Variants in TAF2 observed in about 807,000 individuals in gnomAD.
TAF2 encodes the protein transcription initiation factor TFIID subunit 2.
TAF2 carries 61 observed loss-of-function variants against 138.5 expected under a neutral mutation model. The ratio of observed to expected loss-of-function variants is 0.44; its 90% CI spans 0.36 to 0.54. The LOEUF is 0.54. Ranked by LOEUF, TAF2 falls within the 20% of genes least tolerant of loss-of-function variation. The pLI is 0.00. For missense variants in TAF2, 1,090 were observed against 1,427.9 expected (o/e 0.76, Z 3.81); for synonymous variants, 475 against 469.9 (o/e 1.01, Z -0.14).
chr8:119,826,693 C>T (rs967417465), intron 2 of TAF2, among the ~76,000 whole-genome samples: 7 of 151,848 alleles, frequency 4.6e-5, no homozygotes, highest in Non-Finnish European at 7.4e-5. Context: ...TGGGTTCAAG[C>T]GACTCTCCTG....
intron 14 of TAF2, among the ~76,000 whole-genome samples, chr8:119,786,419 A>T (rs761517579): frequency 6.6e-6 from 1 of 152,078 alleles, no homozygotes; most frequent in African/African-American, 2.4e-5. Flanking sequence ...TTTGTCTTGA[A>T]TTTTTTTCTA....
At chr8:119,832,081 C>T (rs1826486066) in intron 1 of TAF2, among the ~76,000 whole-genome samples, 1 of 152,114 alleles carries the variant, frequency 6.6e-6, no homozygotes, top group African/African-American at 2.4e-5. Flanking sequence ...AAAGCTTGAA[C>T]CCGGCAGGTG....
intron 20 of TAF2, 168 bp downstream of exon 20, chr8:119,760,431 T>C: frequency 1.3e-6 from 1 of 767,092 alleles, no homozygotes; most frequent in Non-Finnish European, 2.0e-6. Context: ...ATTTATTAAC[T>C]CTTATGTGAA....
Position 119,788,283 on chromosome 8 carries a change from A to G in TAF2, c.1793+55T>C. 4 of 1,481,148 alleles carry G rather than the reference A, an allele frequency of 2.7e-6. No homozygotes were observed. In the South Asian group the frequency reaches 4.5e-5, roughly 17 times the overall value. 91.8% of individuals were successfully genotyped at this position (1,481,148 alleles called of 1,614,324 possible). ...AAGAGAATTTTTATTTTGGCATTTT[A>G]GTCTGTGAGATTTGTAGTTTAACTT... On this transcript the variant is annotated intron_variant, in intron 14 of 25. Transcript: ENST00000378164.
intron 19 of TAF2, 84 bp downstream of exon 19, chr8:119,762,331 T>C (rs1181409113): frequency 6.1e-5 from 83 of 1,356,570 alleles, no homozygotes; most frequent in Non-Finnish European, 8.2e-5. Flanking sequence ...TACTTTACTA[T>C]ATTTCCCAAT....
At chr8:119,733,780 G>A (rs1301474743) in intron 25 of TAF2, among the ~76,000 whole-genome samples, 3 of 149,054 alleles carry the variant, frequency 2.0e-5, no homozygotes, top group African/African-American at 7.4e-5. Context: ...TCTTAAATCC[G>A]CCCCCCCCCA....
chr8:119,752,293 C>A (rs1820405644), intron 22 of TAF2, among the ~76,000 whole-genome samples: 1 of 152,012 alleles, frequency 6.6e-6, no homozygotes, highest in Admixed American at 6.6e-5. Context: ...TGAATATACA[C>A]ATATATAGGT....
chr8:119,771,774 T>C (rs1206915506), intron 18 of TAF2, among the ~76,000 whole-genome samples: 2 of 152,100 alleles, frequency 1.3e-5, no homozygotes. Context: ...AAACACTAGA[T>C]AGGTCATTGA....
intron 25 of TAF2, among the ~76,000 whole-genome samples, chr8:119,738,218 T>C (rs1819364718): frequency 6.6e-6 from 1 of 152,146 alleles, no homozygotes; most frequent in Admixed American, 6.6e-5. Context: ...TCCTAAATAA[T>C]GTTTACCAGC....
intron 25 of TAF2, among the ~76,000 whole-genome samples, chr8:119,737,191 G>A (rs1819278680): frequency 6.6e-6 from 1 of 152,188 alleles, no homozygotes; most frequent in Non-Finnish European, 1.5e-5. Context: ...ACGGCATTTA[G>A]AGTCAACTGA....
At chr8:119,774,816 G>T (rs1162120419) in intron 18 of TAF2, among the ~76,000 whole-genome samples, 1 of 152,004 alleles carries the variant, frequency 6.6e-6, no homozygotes, top group Non-Finnish European at 1.5e-5. Flanking sequence ...TGAACCTGGT[G>T]TTATTAGAAA....
Position 119,734,157 on chromosome 8 carries a change from C to T in TAF2, c.3338-1971G>A, listed in dbSNP as rs544459968. 1.9e-3 allele frequency among the ~76,000 whole-genome samples: 294 copies of T among 152,218 alleles called. 1 individual carries two copies. Among genetic ancestry groups the T allele is most frequent in the African/African-American group, 6.1e-3 (253 of 41,532 alleles). On this transcript the variant is annotated intron_variant, in intron 25 of 25. Transcript: ENST00000378164. Reference sequence around the variant, plus strand: ...TCCAGGCTGGGAAACCCTGCTGCATCGTGGTCTTCCTAAACAAAGCTGCTT... The same window carrying T: ...TCCAGGCTGGGAAACCCTGCTGCATTGTGGTCTTCCTAAACAAAGCTGCTT...
intron 14 of TAF2, 76 bp downstream of exon 14, chr8:119,788,262 G>A (rs2131158835): frequency 7.5e-7 from 1 of 1,336,598 alleles, no homozygotes; most frequent in Non-Finnish European, 1.1e-6. Flanking sequence ...GTATACAAGA[G>A]AATTTTTATT....
At chr8:119,827,790 C>T (rs1826197045) in intron 2 of TAF2, among the ~76,000 whole-genome samples, 1 of 149,598 alleles carries the variant, frequency 6.7e-6, no homozygotes, top group South Asian at 2.1e-4. Flanking sequence ...GTTGCCCAGG[C>T]TGGAGTGCAG....
At chr8:119,779,846 G>A (rs1822517183) in intron 17 of TAF2, among the ~76,000 whole-genome samples, 1 of 151,876 alleles carries the variant, frequency 6.6e-6, no homozygotes, top group South Asian at 2.1e-4. Flanking sequence ...CTTCCTTAAT[G>A]TGCCCCACCC....
intron 3 of TAF2, among the ~76,000 whole-genome samples, chr8:119,812,238 G>A (rs1193265154): frequency 6.6e-6 from 1 of 152,048 alleles, no homozygotes; most frequent in African/African-American, 2.4e-5. Flanking sequence ...GACCTTGTTA[G>A]GTTAACTAAC....
chr8:119,804,057 G>T (rs1824447217), intron 4 of TAF2, 38 bp from the exon 5 acceptor site: 1 of 1,609,266 alleles, frequency 6.2e-7, no homozygotes. Flanking sequence ...TGATACATAA[G>T]TTACAGTGGT....
intron 15 of TAF2, among the ~76,000 whole-genome samples, chr8:119,784,597 G>A (rs557128365): frequency 2.6e-5 from 4 of 152,216 alleles, no homozygotes; most frequent in South Asian, 4.1e-4. Flanking sequence ...AATTACAGAG[G>A]TTTTATAAAA....
Position 119,832,521 on chromosome 8 carries a change from T to C in TAF2, c.44A>G (p.Lys15Arg), listed in dbSNP as rs1277616011. ...TGGGCTTTCAAAGCCCTTGTCTCCT[T>C]TCTTCCTGTTCATTCTGGCGGGCTC... ...GVEPARMNRK[K>R]GDKGFESPRP... Residue 15 changes from lysine (K) to arginine (R), a missense_variant, in exon 1 of 26, where the codon AAA (lysine) becomes AGA (arginine). This residue lies in a region of TAF2 where 504 missense variants were observed against 680.9 expected (regional missense o/e 0.74). Transcript: ENST00000378164. 2.5e-6 allele frequency: 4 copies of C among 1,613,856 alleles called. No individual in the cohort carries two copies. Among genetic ancestry groups the C allele is most frequent in the Non-Finnish European group, 3.4e-6 (4 of 1,179,984 alleles).
Sources: allele counts gnomAD v4.1 joint callset (sites outside exome capture counted in the v4.1 genomes callset), GRCh38; gene constraint gnomAD v4.1.1; regional missense constraint gnomAD v4.1.1; transcripts MANE v1.5; gene names NCBI Gene and HGNC (gene_info 2026-07-23, HGNC 2026-07-21).